RCAN2: variants seen among roughly 807,000 people sequenced by gnomAD.
RCAN2 encodes the protein calcipressin-2.
In RCAN2, 9 loss-of-function variants were observed where a neutral mutation model predicts 23.6. That is an observed-to-expected ratio of 0.38 (90% CI 0.23 to 0.67). RCAN2 has a LOEUF of 0.67. Among genes scored for constraint, RCAN2 ranks in the 30% least tolerant of loss-of-function variants. The pLI, the probability that RCAN2 is intolerant of heterozygous loss-of-function variation, is 0.51. For synonymous variants in RCAN2, 109 were observed against 115.7 expected (o/e 0.94, Z 0.37); for missense variants, 273 against 302.3 (o/e 0.90, Z 0.72).
intron 2 of RCAN2, among the ~76,000 whole-genome samples, chr6:46,348,953 C>A (rs9381444): frequency 0.42 from 64,117 of 151,960 alleles, 14,978 homozygotes; most frequent in East Asian, 0.6. Flanking sequence ...CTGCCACCTA[C>A]CATTAAGTAT....
intron 2 of RCAN2, among the ~76,000 whole-genome samples, chr6:46,314,633 G>A (rs1415535425): frequency 6.6e-6 from 1 of 152,050 alleles, no homozygotes; most frequent in South Asian, 2.1e-4. Flanking sequence ...TACAATTATA[G>A]TTAAGCATTA....
At chr6:46,388,786 C>T (rs1319864893) in intron 2 of RCAN2, among the ~76,000 whole-genome samples, 3 of 152,016 alleles carry the variant, frequency 2.0e-5, no homozygotes, top group East Asian at 1.9e-4. Flanking sequence ...CATCACACAC[C>T]GGGGCCTGTG....
chr6:46,298,553 T>G (rs1400302112), intron 2 of RCAN2, among the ~76,000 whole-genome samples: 2 of 152,142 alleles, frequency 1.3e-5, no homozygotes, highest in Non-Finnish European at 2.9e-5. Flanking sequence ...AATATTTTTA[T>G]GGACCTGAAG....
chr6:46,278,007 G>A (rs531932760), intron 2 of RCAN2, among the ~76,000 whole-genome samples: 1 of 152,138 alleles, frequency 6.6e-6, no homozygotes, highest in South Asian at 2.1e-4. Context: ...AACCTGTTTA[G>A]GGGAATCTCC....
At chr6:46,453,598 A>G (rs572040317) in intron 2 of RCAN2, among the ~76,000 whole-genome samples, 1 of 152,374 alleles carries the variant, frequency 6.6e-6, no homozygotes, top group South Asian at 2.1e-4. Flanking sequence ...ACAAAGTGAT[A>G]CAGAAATAAA....
intron 2 of RCAN2, among the ~76,000 whole-genome samples, chr6:46,292,426 G>GTTT (rs1302472017): frequency 6.8e-4 from 15 of 22,062 alleles, no homozygotes; most frequent in African/African-American, 2.1e-3. Context: ...TTGATTTGTT[G>GTTT]TTTTTTTTTT....
intron 2 of RCAN2, among the ~76,000 whole-genome samples, chr6:46,376,727 A>C (rs889142434): frequency 8.8e-4 from 129 of 146,238 alleles, no homozygotes; most frequent in African/African-American, 3.2e-3. Flanking sequence ...AAAAAAAAAA[A>C]CACGGTAGGC....
intron 2 of RCAN2, among the ~76,000 whole-genome samples, chr6:46,309,053 A>G (rs1415402455): frequency 6.6e-6 from 1 of 152,212 alleles, no homozygotes. Context: ...AAATAACTTG[A>G]GTAAAGTCAA....
chr6:46,322,294 CTTCTAGATCT>C (rs2150362653), intron 2 of RCAN2, among the ~76,000 whole-genome samples: 1 of 152,318 alleles, frequency 6.6e-6, no homozygotes, highest in East Asian at 1.9e-4. Context: ...GGGCTCTCAA[CTTCTAGATCT>C]TTCTGAGAAC....
chr6:46,441,254 G>A (rs577922520), intron 2 of RCAN2, among the ~76,000 whole-genome samples: 1 of 152,286 alleles, frequency 6.6e-6, no homozygotes, highest in Admixed American at 6.5e-5. Context: ...ATAAAAAAGG[G>A]AACTGAGTTT....
At chr6:46,336,332 G>T (rs2150369887) in intron 2 of RCAN2, among the ~76,000 whole-genome samples, 1 of 152,304 alleles carries the variant, frequency 6.6e-6, no homozygotes, top group Non-Finnish European at 1.5e-5. Context: ...AGACAGCAAG[G>T]CAGGTGCTAA....
At chr6:46,391,180 G>C (rs1765923895) in intron 2 of RCAN2, among the ~76,000 whole-genome samples, 1 of 152,178 alleles carries the variant, frequency 6.6e-6, no homozygotes, top group Non-Finnish European at 1.5e-5. Context: ...AATAACAGTT[G>C]CTACAGTTCA....
intron 4 of RCAN2, among the ~76,000 whole-genome samples, chr6:46,246,101 A>T (rs1429828168): frequency 6.6e-6 from 1 of 152,330 alleles, no homozygotes; most frequent in African/African-American, 2.4e-5. Flanking sequence ...ATAGCAAAAA[A>T]CCTGGAAATA....
At chr6:46,243,803 C>G (rs1329652234) in intron 4 of RCAN2, among the ~76,000 whole-genome samples, 1 of 74,980 alleles carries the variant, frequency 1.3e-5, no homozygotes, top group South Asian at 5.8e-4. Flanking sequence ...GGGTAAGATT[C>G]TGTCTCAAAA....
chr6:46,325,685 T>C, intron 2 of RCAN2: 3 of 1,371,094 alleles, frequency 2.2e-6, no homozygotes, highest in Non-Finnish European at 2.8e-6. Flanking sequence ...ACGGCCCGGC[T>C]CGCTCATGGC....
intron 2 of RCAN2, among the ~76,000 whole-genome samples, chr6:46,324,428 A>G (rs776338404): frequency 5.3e-5 from 8 of 152,196 alleles, no homozygotes; most frequent in Non-Finnish European, 8.8e-5. Context: ...CACACCCAAC[A>G]ATAAAGAATT....
chr6:46,356,040 TAA>T (rs1442838545), intron 2 of RCAN2, among the ~76,000 whole-genome samples: 3 of 152,144 alleles, frequency 2.0e-5, no homozygotes, highest in Admixed American at 2.0e-4. Flanking sequence ...CATCTGTTTG[TAA>T]AGACACAGAC....
intron 4 of RCAN2, among the ~76,000 whole-genome samples, chr6:46,229,283 G>A (rs181342207): frequency 1.9e-4 from 29 of 152,184 alleles, no homozygotes; most frequent in Non-Finnish European, 2.8e-4. Context: ...TCTTTGTGGC[G>A]TTCTCTGTAT....
At chr6:46,235,769 A>G (rs2150310870) in intron 4 of RCAN2, among the ~76,000 whole-genome samples, 1 of 152,146 alleles carries the variant, frequency 6.6e-6, no homozygotes, top group South Asian at 2.1e-4. Flanking sequence ...CCTTCCCTAC[A>G]CACCCCTTGT....
Sources: gnomAD v4.1 joint callset for allele counts (sites outside exome capture counted in the v4.1 genomes callset) on GRCh38, gnomAD v4.1.1 for gene constraint, MANE v1.5 for transcripts, NCBI Gene and HGNC (gene_info 2026-07-23, HGNC 2026-07-21) for gene names.